Variants in COL8A2 observed in about 807,000 individuals in gnomAD.
COL8A2 encodes the protein collagen type VIII alpha 2 chain.
In COL8A2, 16 loss-of-function variants were observed where a neutral mutation model predicts 24.0. The ratio of observed to expected loss-of-function variants is 0.67; its 90% CI spans 0.45 to 1.01. The LOEUF (loss-of-function observed/expected upper bound fraction) is 1.01. COL8A2 is among the 50% of genes least tolerant of loss of function. The probability of loss-of-function intolerance (pLI) is 0.00; values close to 1 mark genes in which losing one functional copy is unlikely to be tolerated. For synonymous variants in COL8A2, 466 were observed against 424.5 expected, an observed-to-expected ratio of 1.10 and a Z score of -1.20; for missense variants, 818 against 942.4, an observed-to-expected ratio of 0.87 and a Z score of 1.73.
intron 1 of COL8A2, among the ~76,000 whole-genome samples, chr1:36,120,237 T>A (rs933478534): frequency 6.6e-6 from 1 of 151,602 alleles, no homozygotes; most frequent in Non-Finnish European, 1.5e-5. Context: ...GCGGATCACT[T>A]GAGGTCAGGA....
chr1:36,118,524 G>A (rs1369898600), intron 1 of COL8A2, among the ~76,000 whole-genome samples: 3 of 152,200 alleles, frequency 2.0e-5, no homozygotes, highest in Admixed American at 6.5e-5. Flanking sequence ...TGCCTGAGCC[G>A]ACTTCAATGG....
At chr1:36,109,992 C>T (rs557759384) in intron 2 of COL8A2, among the ~76,000 whole-genome samples, 5 of 144,596 alleles carry the variant, frequency 3.5e-5, no homozygotes, top group African/African-American at 1.3e-4. Context: ...TGCAGTGGCG[C>T]GATCTCGACT....
rs201628588 is a variant in COL8A2, at chr1:36,097,555, A to ACC, written c.*12_*13dup. On this transcript the variant is annotated 3_prime_UTR_variant, in exon 4 of 4. Coordinates refer to ENST00000397799, the MANE Select transcript of COL8A2 (RefSeq NM_005202.4). ...AAGGGGAGGAGGCCAGGGCAGCAGG[A>ACC]CCCCCCCCGCGGGTTATGTGGGGCA... 2.5e-6 allele frequency: 4 copies of ACC among 1,573,448 alleles called. No individual in the cohort carries two copies. The African/African-American group carries it at 5.5e-5, about 21-fold the overall frequency.
rs1231456920 is a variant in COL8A2 at position 36,100,134 on chromosome 1, C to T, written c.109G>A (p.Gly37Ser). 4 of 1,612,622 alleles carry T rather than the reference C, an allele frequency of 2.5e-6. No homozygotes were observed. The African/African-American group carries it at 5.3e-5, about 22-fold the overall frequency. Residue 37 changes from glycine (G) to serine (S), a missense_variant, in exon 3 of 4, where the codon GGC (glycine) becomes AGC (serine). This residue lies in a region of COL8A2 where 573 missense variants were observed against 616.8 expected (regional missense o/e 0.93). Coordinates refer to ENST00000397799, the MANE Select transcript of COL8A2 (RefSeq NM_005202.4). ...TGGATGTACTTCACTGGGGCATAGCCCGCCGCCCCACCGGCCCCGCCACCA... is the reference window on the plus strand; with the variant it reads ...TGGATGTACTTCACTGGGGCATAGCTCGCCGCCCCACCGGCCCCGCCACCA... Reference protein sequence around the residue: ...SSGGGAGGAAGYAPVKYIQPM... With the variant: ...SSGGGAGGAASYAPVKYIQPM...
chr1:36,098,868 T>G lies in COL8A2; in HGVS notation c.813A>C (p.Pro271=). Residue 271 remains proline (P), a synonymous_variant, in exon 4 of 4, where the codon CCA becomes CCC. Coordinates refer to ENST00000397799, the MANE Select transcript of COL8A2 (RefSeq NM_005202.4). ...CACCGTCTACTCCAGGAGGTCCTTT[T>G]GGGCCCACAGCTCCTGGCTCCCCCC... ...GPRGEPGAVG[P]KGPPGVDGVG... 1 of 1,612,216 alleles carries G rather than the reference T, an allele frequency of 6.2e-7. No homozygotes were observed. The highest frequency in any genetic ancestry group is 1.3e-5 in the African/African-American group (1 of 74,868).
At chr1:36,116,702 AGATGAGGT>A (rs1224977344) in intron 1 of COL8A2, among the ~76,000 whole-genome samples, 1 of 152,236 alleles carries the variant, frequency 6.6e-6, no homozygotes, top group Non-Finnish European at 1.5e-5. Context: ...TCTGAAAGGC[AGATGAGGT>A]GATAGAAGGA....
chr1:36,105,950 TAA>T (rs3075652), intron 2 of COL8A2, among the ~76,000 whole-genome samples: 289 of 128,032 alleles, frequency 2.3e-3, no homozygotes, highest in Middle Eastern at 3.8e-3. Flanking sequence ...CTGTCTCACT[TAA>T]AAAAAAAAAA....
intron 1 of COL8A2, among the ~76,000 whole-genome samples, chr1:36,116,823 G>A (rs1447184846): frequency 6.6e-6 from 1 of 152,214 alleles, no homozygotes; most frequent in Non-Finnish European, 1.5e-5. Context: ...CATTTCTCTG[G>A]AGAGCAATGG....
chr1:36,107,611 A>T (rs913519852), intron 2 of COL8A2, among the ~76,000 whole-genome samples: 1 of 152,114 alleles, frequency 6.6e-6, no homozygotes. Flanking sequence ...GGGAGTGCGC[A>T]CTGGCCACAG....
In COL8A2 at chr1:36,097,761, G is replaced by A. The variant is rs534995976; in HGVS notation, c.1920C>T (p.Asn640=). The change falls in exon 4 of 4, where the codon AAC becomes AAT. Residue 640 remains asparagine (N), a synonymous_variant. Coordinates refer to ENST00000397799, the MANE Select transcript of COL8A2 (RefSeq NM_005202.4). ...GTNVWVALYK[N]NVPATYTYDE... is the part of the protein sequence containing the mutation. The stretch of plus-strand genomic sequence containing the variant: ...CGTAGGTATAGGTGGCCGGCACGTT[G>A]TTCTTGTACAGGGCCACCCACACGT... The A allele has an allele frequency of 6.2e-7, 1 of 1,613,740 alleles. No homozygotes were observed. The highest frequency in any genetic ancestry group is 8.5e-7 in the Non-Finnish European group (1 of 1,180,024).
chr1:36,107,157 A>G (rs377420974), intron 2 of COL8A2, among the ~76,000 whole-genome samples: 1 of 152,178 alleles, frequency 6.6e-6, no homozygotes, highest in East Asian at 1.9e-4. Flanking sequence ...TAATCCCAGC[A>G]CTTTCGGGAG....
intron 2 of COL8A2, among the ~76,000 whole-genome samples, chr1:36,102,233 T>C (rs1480171003): frequency 6.6e-6 from 1 of 152,020 alleles, no homozygotes; most frequent in African/African-American, 2.4e-5. Flanking sequence ...TTGAAAACAG[T>C]GAAAAGTGAG....
chr1:36,106,377 C>T (rs554557205), intron 2 of COL8A2, among the ~76,000 whole-genome samples: 3 of 152,124 alleles, frequency 2.0e-5, no homozygotes, highest in Non-Finnish European at 4.4e-5. Context: ...AGTTCCAGCC[C>T]GTAACCACCA....
At chr1:36,121,233 A>G (rs919065802) in intron 1 of COL8A2, among the ~76,000 whole-genome samples, 12 of 150,796 alleles carry the variant, frequency 8.0e-5, no homozygotes, top group African/African-American at 2.9e-4. Flanking sequence ...TACTAAAAAT[A>G]CAAAAATTAG....
intron 1 of COL8A2, among the ~76,000 whole-genome samples, chr1:36,118,595 C>T (rs979004505): frequency 1.3e-5 from 2 of 152,228 alleles, no homozygotes; most frequent in Non-Finnish European, 2.9e-5. Context: ...GAGCCCCTCC[C>T]CTGGCGACGT....
At position 36,100,261 on chromosome 1, in the gene COL8A2, G is replaced by C; in HGVS notation, c.-16-3C>G. ...CCAGCATGGCGTCCGTGGACGTGCT[G>C]CAAAGAAGAACAGAGAAAGTCATCA... is the stretch of plus-strand genomic sequence containing the variant. On this transcript the variant is annotated splice_polypyrimidine_tract_variant and splice_region_variant and intron_variant, in intron 2 of 3. Coordinates refer to ENST00000397799, the MANE Select transcript of COL8A2 (RefSeq NM_005202.4). The C allele has an allele frequency of 6.5e-7, 1 of 1,542,662 alleles. No homozygotes were observed. The highest frequency in any genetic ancestry group is 8.7e-7 in the Non-Finnish European group (1 of 1,147,874).
intron 2 of COL8A2, among the ~76,000 whole-genome samples, chr1:36,108,146 A>G (rs1643787584): frequency 6.6e-6 from 1 of 152,232 alleles, no homozygotes; most frequent in Admixed American, 6.5e-5. Context: ...CAGGGAGTCC[A>G]TTCCCCAGGT....
Position 36,115,220 on chromosome 1 carries a change from C to T in COL8A2, c.-17+488G>A, listed in dbSNP as rs1267809702. On this transcript the variant is annotated intron_variant, in intron 2 of 3. Transcript: ENST00000397799. The surrounding 1 kb of genome is among the most constrained non-coding windows in gnomAD (Gnocchi z 5.7). ...TACAGACCCAGCCACCCCCAGGCCT[C>T]AGGCAGGGGCAGGCGGGGCCTCCTC... Among the ~76,000 whole-genome samples, 1 of 152,224 alleles carries T rather than the reference C, an allele frequency of 6.6e-6. No individual in the cohort carries two copies. Among genetic ancestry groups the T allele is most frequent in the East Asian group, 1.9e-4 (1 of 5,190 alleles).
chr1:36,116,321 T>C (rs1643879358), intron 1 of COL8A2, among the ~76,000 whole-genome samples: 1 of 152,028 alleles, frequency 6.6e-6, no homozygotes, highest in Non-Finnish European at 1.5e-5. Flanking sequence ...ATTCAAGGAG[T>C]TCCTACTGTC....
Sources: allele counts gnomAD v4.1 joint callset (sites outside exome capture counted in the v4.1 genomes callset), GRCh38; gene constraint gnomAD v4.1.1; regional missense constraint gnomAD v4.1.1; non-coding constraint Gnocchi (gnomAD v3.1); transcripts MANE v1.5; gene names NCBI Gene and HGNC (gene_info 2026-07-23, HGNC 2026-07-21).